Variants in TEX9 observed in about 807,000 individuals in gnomAD.
The protein encoded by TEX9 is testis-expressed protein 9.
TEX9 carries 74 observed loss-of-function variants against 59.6 expected under a neutral mutation model. The ratio of observed to expected loss-of-function variants is 1.24; its 90% CI spans 1.03 to 1.51. The LOEUF (loss-of-function observed/expected upper bound fraction) is 1.51. Ranked by LOEUF, TEX9 falls within the 40% of genes most tolerant of loss-of-function variation. The pLI is 0.00. For missense variants in TEX9, 522 were observed against 447.8 expected (o/e 1.17, Z -1.49); for synonymous variants, 186 against 152.2 (o/e 1.22, Z -1.64).
intron 7 of TEX9, among the ~76,000 whole-genome samples, chr15:56,392,657 A>G (rs1304810663): frequency 6.6e-6 from 1 of 152,078 alleles, no homozygotes; most frequent in Non-Finnish European, 1.5e-5. Flanking sequence ...TTGTGTTACT[A>G]ATCACAAGTA....
At chr15:56,298,472 T>C (rs2045267685) in intron 1 of TEX9, among the ~76,000 whole-genome samples, 1 of 152,252 alleles carries the variant, frequency 6.6e-6, no homozygotes, top group South Asian at 2.1e-4. Context: ...GTAGTTTGTT[T>C]ATTTTTATTT....
chr15:56,365,370 C>A, upstream of TEX9: 1 of 1,537,928 alleles, frequency 6.5e-7, no homozygotes, highest in East Asian at 2.3e-5. Flanking sequence ...CGTAGGCGCC[C>A]GGGCGGGAGG....
At chr15:56,322,580 G>T (rs922668385) in intron 1 of TEX9, among the ~76,000 whole-genome samples, 1 of 152,132 alleles carries the variant, frequency 6.6e-6, no homozygotes, top group Non-Finnish European at 1.5e-5. Flanking sequence ...GTTGTAGTAC[G>T]TGTAGAAATG....
intron 1 of TEX9, among the ~76,000 whole-genome samples, chr15:56,256,302 G>A (rs1285073829): frequency 1.3e-5 from 2 of 152,050 alleles, no homozygotes; most frequent in South Asian, 4.1e-4. Context: ...ATCCATAAAT[G>A]ACAGTGTTGG....
intron 1 of TEX9, among the ~76,000 whole-genome samples, chr15:56,291,755 T>G (rs1167139845): frequency 1.3e-5 from 2 of 152,180 alleles, no homozygotes; most frequent in Non-Finnish European, 2.9e-5. Context: ...CTGACTATGA[T>G]TTTCTTGGGT....
At chr15:56,375,435 G>GA (rs2047395115) in intron 3 of TEX9, among the ~76,000 whole-genome samples, 1 of 151,870 alleles carries the variant, frequency 6.6e-6, no homozygotes, top group South Asian at 2.1e-4. Flanking sequence ...AGATGAGTAG[G>GA]TTGCGAAAAT....
At chr15:56,299,913 G>A (rs1183962258) in intron 1 of TEX9, among the ~76,000 whole-genome samples, 1 of 152,166 alleles carries the variant, frequency 6.6e-6, no homozygotes, top group Non-Finnish European at 1.5e-5. Context: ...CTCACCAGGA[G>A]CCTTGAGTGA....
intron 1 of TEX9, among the ~76,000 whole-genome samples, chr15:56,329,546 C>G (rs546167999): frequency 6.6e-6 from 1 of 152,042 alleles, no homozygotes; most frequent in South Asian, 2.1e-4. Flanking sequence ...CAAGATAATG[C>G]AGAGAAGGAA....
At chr15:56,339,061 T>C (rs1338635893) in intron 1 of TEX9, among the ~76,000 whole-genome samples, 1 of 151,914 alleles carries the variant, frequency 6.6e-6, no homozygotes, top group African/African-American at 2.4e-5. Context: ...GTAGTCCTGG[T>C]ATTTTCAAAC....
At chr15:56,382,381 C>A (rs539302996) in intron 3 of TEX9, among the ~76,000 whole-genome samples, 1 of 152,160 alleles carries the variant, frequency 6.6e-6, no homozygotes, top group Non-Finnish European at 1.5e-5. Context: ...TCTTAAGGTG[C>A]AAGACAAAGG....
chr15:56,373,487 C>T lies in TEX9; in HGVS notation c.166C>T (p.Gln56Ter). The T allele has an allele frequency of 6.4e-7, 1 of 1,572,270 alleles. No individual in the cohort carries two copies. The highest frequency in any genetic ancestry group is 2.3e-5 in the East Asian group (1 of 42,846). ...GGCAAAAACAGCTGACGTGGTTCAA[C>T]AAGCTAAGGAAATAATAGTAAGTAT... is the stretch of plus-strand genomic sequence containing the variant. Residue 56 changes from glutamine to a stop codon, truncating the protein, a stop_gained, in exon 3 of 13, where the codon CAA (glutamine) becomes TAA (stop). Coordinates refer to ENST00000352903, the Ensembl canonical transcript of TEX9. LOFTEE classifies it high-confidence loss of function.
At chr15:56,353,627 CAA>C (rs2046627721) in intron 1 of TEX9, among the ~76,000 whole-genome samples, 1 of 151,964 alleles carries the variant, frequency 6.6e-6, no homozygotes, top group African/African-American at 2.4e-5. Context: ...TGAAATCTAA[CAA>C]AAAGTGAAAA....
chr15:56,402,008 A>C (rs575379207), intron 9 of TEX9, among the ~76,000 whole-genome samples: 1 of 152,368 alleles, frequency 6.6e-6, no homozygotes, highest in East Asian at 1.9e-4. Flanking sequence ...TTATAGCACT[A>C]AATGCCCACA....
chr15:56,254,185 T>C (rs1377284462), intron 1 of TEX9, among the ~76,000 whole-genome samples: 1 of 151,906 alleles, frequency 6.6e-6, no homozygotes, highest in Non-Finnish European at 1.5e-5. Context: ...ATGCCGTAAG[T>C]GTATGAGAAA....
chr15:56,390,950 C>A (rs540072384), intron 6 of TEX9, among the ~76,000 whole-genome samples: 1 of 151,940 alleles, frequency 6.6e-6, no homozygotes, highest in African/African-American at 2.4e-5. Context: ...CCTCATAAAG[C>A]CTTCTCTAGC....
chr15:56,373,377 G>A, intron 2 of TEX9, 64 bp from the exon 3 acceptor site: 1 of 1,478,514 alleles, frequency 6.8e-7, no homozygotes, highest in East Asian at 2.4e-5. Context: ...ACGTGTAATT[G>A]CTGAAGTTTA....
intron 1 of TEX9, among the ~76,000 whole-genome samples, chr15:56,348,610 C>T (rs2046517370): frequency 6.6e-6 from 1 of 152,180 alleles, no homozygotes; most frequent in African/African-American, 2.4e-5. Flanking sequence ...AGTTATGATT[C>T]AAATCACTGT....
intron 3 of TEX9, among the ~76,000 whole-genome samples, chr15:56,375,729 C>T (rs1456092522): frequency 2.0e-5 from 3 of 151,380 alleles, no homozygotes; most frequent in African/African-American, 7.3e-5. Flanking sequence ...CAGCTTATAC[C>T]CAAAGGACTA....
chr15:56,304,295 G>A (rs1439579999), intron 1 of TEX9, among the ~76,000 whole-genome samples: 3 of 152,156 alleles, frequency 2.0e-5, no homozygotes, highest in African/African-American at 7.2e-5. Flanking sequence ...AATAACAGCG[G>A]TCAAAGTGGA....
Sources: gnomAD v4.1 joint callset for allele counts (sites outside exome capture counted in the v4.1 genomes callset) on GRCh38, gnomAD v4.1.1 for gene constraint, MANE v1.5 for transcripts, NCBI Gene and HGNC (gene_info 2026-07-23, HGNC 2026-07-21) for gene names.